NOP9: variants seen among roughly 807,000 people sequenced by gnomAD.
NOP9 encodes nucleolar protein 9.
NOP9 carries 50 observed loss-of-function variants against 63.0 expected under a neutral mutation model. The observed-to-expected ratio is 0.79, with a 90% confidence interval of 0.63 to 1.00. The LOEUF is 1.00. Ranked by LOEUF, NOP9 falls within the 50% of genes least tolerant of loss-of-function variation. The pLI is 0.00. For missense variants in NOP9, 758 were observed against 803.0 expected, an observed-to-expected ratio of 0.94 and a Z score of 0.68; for synonymous variants, 343 against 332.8, an observed-to-expected ratio of 1.03 and a Z score of -0.33.
chr14:24,293,079 A>G, the NOP9 span: 3 of 380,426 alleles, frequency 7.9e-6, no homozygotes, highest in African/African-American at 4.2e-5. Context: ...AACTTAAGAA[A>G]TGTATAGTGT....
chr14:24,304,129 G>T lies in NOP9; in HGVS notation c.1499G>T (p.Gly500Val). Residue 500 changes from glycine (G) to valine (V), a missense_variant, in exon 8 of 10, where the codon GGT becomes GTT. Gly to Val is a moderately radical substitution (Grantham distance 109). Coordinates refer to ENST00000267425, the MANE Select transcript of NOP9 (RefSeq NM_174913.3). ...CATCTGCTGCACTTCTCCACTCCTG[G>T]TCTTGTACTTCGAAGTCTGGGTGCC... Reference protein sequence around the residue: ...LQHLLHFSTPGLVLRSLGALT... With the variant: ...LQHLLHFSTPVLVLRSLGALT... 6.2e-7 allele frequency: 1 copy of T among 1,614,224 alleles called. No homozygotes were observed. The highest frequency in any genetic ancestry group is 1.6e-4 in the Middle Eastern group (1 of 6,062).
At position 24,305,230 on chromosome 14, in the gene NOP9, A is replaced by T; in HGVS notation, c.*135A>T. 1 of 976,924 alleles carries T rather than the reference A, an allele frequency of 1.0e-6. No homozygotes were observed. The highest frequency in any genetic ancestry group is 1.7e-5 in the African/African-American group (1 of 59,444). The allele number at this position is 976,924 out of a possible 1,614,324, so 60.5% of individuals were successfully genotyped here. A position where few individuals can be genotyped will look rare whatever the true frequency, so the allele number is the denominator to read the frequency against. On this transcript the variant is annotated 3_prime_UTR_variant, in exon 10 of 10. Coordinates refer to ENST00000267425, the MANE Select transcript of NOP9 (RefSeq NM_174913.3). ...TATTTTTATTGGAAATGTTTTTGTT[A>T]GTTTGAGGGGAAGGGTATGAAGACA...
chr14:24,292,101 G>T, the NOP9 span: 1 of 1,545,278 alleles, frequency 6.5e-7, no homozygotes, highest in South Asian at 1.1e-5. Flanking sequence ...AGCACCTGGT[G>T]AGTGGGAGTA....
At chr14:24,291,211 T>TA in the NOP9 span, 2 of 1,613,874 alleles carry the variant, frequency 1.2e-6, no homozygotes, top group South Asian at 2.2e-5. Flanking sequence ...AGGCTCAGGA[T>TA]ATTGGGATCT....
Position 24,302,054 on chromosome 14 carries a change from T to C in NOP9, c.898T>C (p.Cys300Arg). ...RKLPQFCAHL[C>R]NAVIGYLSTR... is the part of the protein sequence containing the mutation. ...ACTTCCCCAGTTTTGCGCTCATCTC[T>C]GCAATGCTGTGATTGGCTACCTGAG... is the stretch of plus-strand genomic sequence containing the variant. The change falls in exon 4 of 10, where the codon TGC becomes CGC. Residue 300 changes from cysteine (C) to arginine (R), a missense_variant. Coordinates refer to ENST00000267425, the MANE Select transcript of NOP9 (RefSeq NM_174913.3). The C allele has an allele frequency of 6.2e-7, 1 of 1,614,130 alleles. No homozygotes were observed. Among genetic ancestry groups the C allele is most frequent in the Non-Finnish European group, 8.5e-7 (1 of 1,179,978 alleles).
chr14:24,285,246 G>A, the NOP9 span, among the ~76,000 whole-genome samples: 10 of 152,180 alleles, frequency 6.6e-5, no homozygotes, highest in African/African-American at 2.4e-4. Context: ...GGGCCAGGCC[G>A]CTCAGGCTGG....
the NOP9 span, among the ~76,000 whole-genome samples, chr14:24,278,269 C>T: frequency 7.9e-5 from 12 of 152,162 alleles, no homozygotes; most frequent in South Asian, 8.3e-4. Context: ...AGTGCTTTTG[C>T]ACCCATCAGC....
the NOP9 span, among the ~76,000 whole-genome samples, chr14:24,282,139 A>G: frequency 2.2e-4 from 33 of 152,340 alleles, no homozygotes; most frequent in East Asian, 4.8e-3. Flanking sequence ...GTGAGCCGAG[A>G]TAGCGCCACT....
the NOP9 span, chr14:24,271,730 G>A: frequency 6.6e-6 from 1 of 152,234 alleles, no homozygotes; most frequent in African/African-American, 2.4e-5. Flanking sequence ...GGCGACTGTA[G>A]CGTGCGTGTG....
At chr14:24,277,024 GA>G in the NOP9 span, among the ~76,000 whole-genome samples, 1 of 152,182 alleles carries the variant, frequency 6.6e-6, no homozygotes, top group Non-Finnish European at 1.5e-5. Flanking sequence ...GAATCCACAT[GA>G]ATGTCCCTGT....
At chr14:24,288,198 G>A in the NOP9 span, among the ~76,000 whole-genome samples, 5,722 of 152,260 alleles carry the variant, frequency 0.038, 359 homozygotes, top group African/African-American at 0.13. Flanking sequence ...ATAAATGGAA[G>A]GTCTAGATGA....
chr14:24,296,795 A>G, upstream of NOP9: 1 of 1,614,198 alleles, frequency 6.2e-7, no homozygotes, highest in Non-Finnish European at 8.5e-7. Flanking sequence ...GCTGTTCCCG[A>G]TCCACTTGCT....
At chr14:24,291,300 C>G in the NOP9 span, 1 of 1,413,466 alleles carries the variant, frequency 7.1e-7, no homozygotes, top group Non-Finnish European at 1.0e-6. Context: ...GGACAGGGCA[C>G]TGCTGAGAGC....
Position 24,304,940 on chromosome 14 carries a change from G to T in NOP9, c.1756G>T (p.Glu586Ter), listed in dbSNP as rs2139134550. The part of the protein sequence containing the change: ...ARKEIAAELG[E>*]QNQELIRDPF... ...AACATGAGTGGTTCCCTTTGCAGGG[G>T]AGCAGAACCAGGAGCTGATAAGAGA... The change falls in exon 10 of 10, where the codon GAG (glutamate) becomes TAG (stop). Residue 586 changes from glutamate to a stop codon, truncating the protein, a stop_gained and splice_region_variant. Transcript: ENST00000267425. LOFTEE classifies it high-confidence loss of function. The T allele has an allele frequency of 6.5e-7, 1 of 1,531,784 alleles. No individual in the cohort carries two copies. The highest frequency in any genetic ancestry group is 2.3e-5 in the East Asian group (1 of 42,826). The allele number at this position is 1,531,784 out of a possible 1,614,324, so 94.9% of individuals were successfully genotyped here. A position where few individuals can be genotyped will look rare whatever the true frequency, so the allele number is the denominator to read the frequency against.
At chr14:24,276,077 A>C in the NOP9 span, among the ~76,000 whole-genome samples, 2 of 152,152 alleles carry the variant, frequency 1.3e-5, no homozygotes, top group African/African-American at 4.8e-5. Context: ...TTAACTTAAA[A>C]ATTTTTTTTT....
At chr14:24,296,958 G>T (rs1424888659), upstream of NOP9, 2 of 1,594,208 alleles carry the variant, frequency 1.3e-6, no homozygotes, top group Non-Finnish European at 1.7e-6. Flanking sequence ...ACCAAAGTGG[G>T]CTTGAGAACT....
At chr14:24,293,647 T>C in the NOP9 span, 1 of 151,752 alleles carries the variant, frequency 6.6e-6, no homozygotes, top group Non-Finnish European at 1.5e-5. Context: ...GACTAATGTC[T>C]TGTGGGTGAG....
the NOP9 span, among the ~76,000 whole-genome samples, chr14:24,286,323 A>G: frequency 6.6e-6 from 1 of 152,182 alleles, no homozygotes; most frequent in Non-Finnish European, 1.5e-5. Flanking sequence ...CCTTCACTGC[A>G]TCACATCCCA....
the NOP9 span, among the ~76,000 whole-genome samples, chr14:24,279,868 G>A: frequency 1.3e-5 from 2 of 152,186 alleles, no homozygotes; most frequent in African/African-American, 2.4e-5. Context: ...AAGCCCTGAC[G>A]TTCTATGTCA....
Sources: allele counts gnomAD v4.1 joint callset (sites outside exome capture counted in the v4.1 genomes callset), GRCh38; gene constraint gnomAD v4.1.1; transcripts MANE v1.5; gene names NCBI Gene and HGNC (gene_info 2026-07-23, HGNC 2026-07-21).